ADARB2: variants seen among roughly 807,000 people sequenced by gnomAD.
The protein encoded by ADARB2 is adenosine deaminase RNA specific B2 (inactive), also known as inactive double-stranded RNA-specific editase B2.
ADARB2 carries 25 observed loss-of-function variants against 62.2 expected under a neutral mutation model. The observed-to-expected ratio is 0.40, with a 90% CI of 0.29 to 0.56. The LOEUF (loss-of-function observed/expected upper bound fraction) is 0.56, where lower values mean the gene tolerates loss of function less well. Ranked by LOEUF, ADARB2 falls within the 20% of genes least tolerant of loss-of-function variation. ADARB2 has a pLI of 0.43. For synonymous variants in ADARB2, 572 were observed against 500.8 expected, an observed-to-expected ratio of 1.14 and a Z score of -1.90; for missense variants, 1,071 against 1,077.4, an observed-to-expected ratio of 0.99 and a Z score of 0.08.
intron 1 of ADARB2, among the ~76,000 whole-genome samples, chr10:1,540,890 GT>G (rs1832414848): frequency 1.7e-5 from 1 of 59,266 alleles, no homozygotes; most frequent in African/African-American, 7.1e-5. Context: ...GATCACAGCC[GT>G]CCAGACCCCA....
chr10:1,612,636 G>T (rs181021397), intron 1 of ADARB2, among the ~76,000 whole-genome samples: 1 of 152,082 alleles, frequency 6.6e-6, no homozygotes, highest in Non-Finnish European at 1.5e-5. Flanking sequence ...AGCCAATATC[G>T]CAGCCCTGTG....
intron 4 of ADARB2, among the ~76,000 whole-genome samples, chr10:1,262,683 G>T (rs1018846950): frequency 1.3e-5 from 2 of 152,136 alleles, no homozygotes; most frequent in Non-Finnish European, 2.9e-5. Context: ...CCTGTTGGTG[G>T]GACTGTAAAC....
At chr10:1,430,311 C>T (rs1830766465) in intron 1 of ADARB2, among the ~76,000 whole-genome samples, 1 of 151,900 alleles carries the variant, frequency 6.6e-6, no homozygotes, top group South Asian at 2.1e-4. Flanking sequence ...CACAGTAATG[C>T]AAAAAGGAAA....
chr10:1,220,207 G>C (rs1378931229), intron 6 of ADARB2, among the ~76,000 whole-genome samples: 8 of 147,200 alleles, frequency 5.4e-5, no homozygotes, highest in African/African-American at 1.8e-4. Context: ...GATGGTAATG[G>C]TGGTGATGAT....
chr10:1,709,880 C>G (rs1588361610), intron 1 of ADARB2, among the ~76,000 whole-genome samples: 1 of 152,182 alleles, frequency 6.6e-6, no homozygotes, highest in Non-Finnish European at 1.5e-5. Context: ...GAACTTTAAG[C>G]AGAATTTCAA....
At chr10:1,698,603 T>C (rs1834778445) in intron 1 of ADARB2, among the ~76,000 whole-genome samples, 1 of 152,016 alleles carries the variant, frequency 6.6e-6, no homozygotes, top group Non-Finnish European at 1.5e-5. Context: ...GAGTAAAAAC[T>C]TGATGGAAAA....
At chr10:1,550,859 C>T (rs540026131) in intron 1 of ADARB2, among the ~76,000 whole-genome samples, 32 of 132,218 alleles carry the variant, frequency 2.4e-4, no homozygotes, top group African/African-American at 7.5e-4. Context: ...CTTCCCAGGC[C>T]GCCGTGCGAG....
At chr10:1,338,684 C>T (rs1055771717) in intron 3 of ADARB2, among the ~76,000 whole-genome samples, 1 of 152,204 alleles carries the variant, frequency 6.6e-6, no homozygotes, top group Admixed American at 6.5e-5. Context: ...CGTGGGCCAG[C>T]TCACAGCCCC....
At chr10:1,440,558 A>G (rs1242453917) in intron 1 of ADARB2, among the ~76,000 whole-genome samples, 5 of 152,100 alleles carry the variant, frequency 3.3e-5, no homozygotes, top group Admixed American at 1.3e-4. Context: ...CATCAGCTAC[A>G]CATAATATTT....
intron 1 of ADARB2, among the ~76,000 whole-genome samples, chr10:1,464,007 G>C (rs1346051912): frequency 2.0e-5 from 3 of 152,252 alleles, no homozygotes; most frequent in African/African-American, 7.2e-5. Context: ...GAGAGTGGCT[G>C]CAATAAAACA....
chr10:1,584,322 C>T (rs1428846749), intron 1 of ADARB2, among the ~76,000 whole-genome samples: 1 of 151,384 alleles, frequency 6.6e-6, no homozygotes, highest in Non-Finnish European at 1.5e-5. Context: ...ATACAGATGG[C>T]AAATCAACCT....
intron 1 of ADARB2, among the ~76,000 whole-genome samples, chr10:1,712,447 G>A (rs573909775): frequency 6.0e-5 from 9 of 151,160 alleles, no homozygotes; most frequent in African/African-American, 1.5e-4. Context: ...TTTTCTTTGC[G>A]TGCCTTCTGC....
chr10:1,328,617 G>A (rs1029107899), intron 3 of ADARB2, among the ~76,000 whole-genome samples: 2 of 152,094 alleles, frequency 1.3e-5, no homozygotes, highest in African/African-American at 2.4e-5. Context: ...TTACAGAACA[G>A]AGGGGATGGG....
intron 1 of ADARB2, among the ~76,000 whole-genome samples, chr10:1,596,250 G>A (rs1021366372): frequency 2.0e-5 from 3 of 152,208 alleles, no homozygotes; most frequent in Non-Finnish European, 2.9e-5. Context: ...ACAGTGATGG[G>A]CATCAATTGG....
Position 1,562,596 on chromosome 10 carries a change from A to C in ADARB2, c.100+174455T>G, listed in dbSNP as rs574689569. 2.6e-3 allele frequency among the ~76,000 whole-genome samples: 393 copies of C among 152,368 alleles called. 2 individuals carry two copies. Among genetic ancestry groups the C allele is most frequent in the African/African-American group, 7.7e-3 (320 of 41,598 alleles). ...TCCAGCACCTGTGATAAGGCCTAGC[A>C]TATAGTAGGTGCTATTGAATATTCC... is the stretch of plus-strand genomic sequence containing the variant. On this transcript the variant is annotated intron_variant, in intron 1 of 9. Transcript: ENST00000381312.
chr10:1,672,223 C>T (rs1834395251), intron 1 of ADARB2, among the ~76,000 whole-genome samples: 2 of 152,164 alleles, frequency 1.3e-5, no homozygotes, highest in Admixed American at 1.3e-4. Context: ...CCCCGTCTTT[C>T]AACCTCCTTT....
rs558336525 is a variant in ADARB2, at chr10:1,434,996, G to C, written c.101-55836C>G. On this transcript the variant is annotated intron_variant, in intron 1 of 9. Coordinates refer to ENST00000381312, the MANE Select transcript of ADARB2 (RefSeq NM_018702.4). The stretch of plus-strand genomic sequence containing the variant: ...AGCAGCCCAACCCTCAGTTTGGTCC[G>C]GGAACAAGGGCACTTGGGCTCACAG... Among the ~76,000 whole-genome samples the C allele has an allele frequency of 2.4e-4, 37 of 152,348 alleles. No individual in the cohort carries two copies. The South Asian group carries it at 7.5e-3, about 31-fold the overall frequency.
chr10:1,216,764 G>A (rs1830628143), intron 7 of ADARB2, 187 bp downstream of exon 7: 3 of 769,938 alleles, frequency 3.9e-6, no homozygotes, highest in Admixed American at 2.9e-5. Context: ...GACTCGGGGT[G>A]CCTTGGCCTC....
intron 4 of ADARB2, among the ~76,000 whole-genome samples, chr10:1,262,072 C>A (rs970882870): frequency 7.1e-6 from 1 of 140,454 alleles, no homozygotes; most frequent in East Asian, 2.1e-4. Context: ...TATTCTCACT[C>A]ATAGGTGGGA....
Sources: gnomAD v4.1 joint callset for allele counts (sites outside exome capture counted in the v4.1 genomes callset) on GRCh38, gnomAD v4.1.1 for gene constraint, MANE v1.5 for transcripts, NCBI Gene and HGNC (gene_info 2026-07-23, HGNC 2026-07-21) for gene names.